The following KLRG1 variants were observed in gnomAD, a reference collection of about 807,000 sequenced individuals.
The protein encoded by KLRG1 is killer cell lectin like receptor G1.
Under a neutral mutation model 21.8 loss-of-function variants are expected in KLRG1, and 16 were observed. The observed-to-expected ratio is 0.73, with a 90% CI of 0.50 to 1.11. The LOEUF (loss-of-function observed/expected upper bound fraction) is 1.11, where lower values mean the gene tolerates loss of function less well. Among genes scored for constraint, KLRG1 ranks in the 50% most tolerant of loss-of-function variants. KLRG1 has a pLI of 0.00. For missense variants in KLRG1, 173 were observed against 218.3 expected (o/e 0.79, Z 1.31); for synonymous variants, 69 against 75.9 (o/e 0.91, Z 0.47).
the KLRG1 span, among the ~76,000 whole-genome samples, chr12:9,183,429 T>G: frequency 1.3e-5 from 2 of 152,146 alleles, no homozygotes; most frequent in Non-Finnish European, 2.9e-5. Flanking sequence ...AGACAGGGTC[T>G]TGCTCTGTTG....
chr12:8,978,640 T>TTTTCTTTCTTTCCTTC lies in KLRG1; in HGVS notation c.-155-13554_-155-13553insCTTCTTTCTTTCTTTC, dbSNP rs1247804071. On this transcript the variant is annotated intron_variant, in intron 1 of 4. Transcript: ENST00000539240. ...CAGTCTTTCTTTTTCTTTTTCTTTC[T>TTTTCTTTCTTTCCTTC]TTTCTTTCTTTCTTTCTTTCTTTCT... 5.1e-3 allele frequency among the ~76,000 whole-genome samples: 546 copies of TTTTCTTTCTTTCCTTC among 107,900 alleles called. 5 individuals carry two copies. The highest frequency in any genetic ancestry group is 0.015 in the African/African-American group (501 of 33,326). 70.8% of individuals were successfully genotyped at this position (107,900 alleles called of 152,430 possible). A position where few individuals can be genotyped will look rare whatever the true frequency, so the allele number is the denominator to read the frequency against.
the KLRG1 span, among the ~76,000 whole-genome samples, chr12:9,111,040 T>C: frequency 1.3e-5 from 2 of 152,162 alleles, no homozygotes; most frequent in South Asian, 2.1e-4. Context: ...AGATGGGTCA[T>C]AGAATTCTTA....
chr12:9,042,759 G>A, the KLRG1 span, among the ~76,000 whole-genome samples: 3 of 150,206 alleles, frequency 2.0e-5, no homozygotes, highest in Non-Finnish European at 4.4e-5. Context: ...AGGCCTCTGA[G>A]TCTTCAAACT....
chr12:9,128,040 G>T, the KLRG1 span: 1 of 244,244 alleles, frequency 4.1e-6, no homozygotes, highest in Non-Finnish European at 8.4e-6. Flanking sequence ...CTTGGAGGCA[G>T]ACATCAAGGC....
the KLRG1 span, among the ~76,000 whole-genome samples, chr12:9,056,737 G>C: frequency 6.6e-6 from 1 of 152,090 alleles, no homozygotes; most frequent in Non-Finnish European, 1.5e-5. Context: ...ATTTTTTGTA[G>C]AGATGGGCTC....
chr12:9,174,808 T>C, the KLRG1 span, among the ~76,000 whole-genome samples: 5 of 152,108 alleles, frequency 3.3e-5, no homozygotes, highest in Middle Eastern at 3.4e-3. Context: ...AAGGATATCA[T>C]AGAGGACACA....
chr12:9,102,632 C>A, the KLRG1 span, among the ~76,000 whole-genome samples: 20 of 152,300 alleles, frequency 1.3e-4, no homozygotes, highest in African/African-American at 4.8e-4. Context: ...TCCTTTCAGG[C>A]TTCCTCTACC....
chr12:9,169,655 T>C, the KLRG1 span: 43 of 1,395,280 alleles, frequency 3.1e-5, no homozygotes, highest in Non-Finnish European at 3.9e-5. Context: ...TAGAATGAAC[T>C]GAGAGAAATA....
At chr12:9,023,894 G>T in the KLRG1 span, among the ~76,000 whole-genome samples, 47 of 151,528 alleles carry the variant, frequency 3.1e-4, no homozygotes, top group Non-Finnish European at 6.6e-4. Flanking sequence ...TGAGATATAG[G>T]TTGAGGTTTT....
intron 1 of KLRG1, among the ~76,000 whole-genome samples, chr12:8,971,976 G>A (rs1054810103): frequency 6.6e-6 from 1 of 152,170 alleles, no homozygotes. Context: ...TCTGTCGATT[G>A]TTTCCTTTGC....
the KLRG1 span, among the ~76,000 whole-genome samples, chr12:9,142,341 TG>T: frequency 6.6e-6 from 1 of 152,222 alleles, no homozygotes; most frequent in Non-Finnish European, 1.5e-5. Flanking sequence ...AAGATTATTC[TG>T]TTTGGGCTGA....
intron 3 of KLRG1, among the ~76,000 whole-genome samples, chr12:9,008,741 A>G (rs915669472): frequency 4.6e-5 from 7 of 152,136 alleles, no homozygotes; most frequent in African/African-American, 1.7e-4. Context: ...ATCTACACCT[A>G]ATTACTTGCT....
the KLRG1 span, among the ~76,000 whole-genome samples, chr12:9,092,991 A>G: frequency 6.6e-6 from 1 of 152,338 alleles, no homozygotes; most frequent in South Asian, 2.1e-4. Context: ...GCTAAGTGAA[A>G]TAAGCCAGAC....
chr12:9,002,944 C>T (rs1052631772), intron 3 of KLRG1, among the ~76,000 whole-genome samples: 2 of 149,692 alleles, frequency 1.3e-5, no homozygotes, highest in African/African-American at 5.0e-5. Context: ...CACACACACA[C>T]ATTATCCATG....
chr12:9,210,599 C>T, the KLRG1 span, among the ~76,000 whole-genome samples: 1 of 152,146 alleles, frequency 6.6e-6, no homozygotes, highest in African/African-American at 2.4e-5. Context: ...CTTTGCTTTT[C>T]AATACCTCCA....
the KLRG1 span, chr12:9,157,412 T>C: frequency 1 from 1,508,582 of 1,508,766 alleles, 754,199 homozygotes; most frequent in East Asian, 1. Context: ...CAGAGCAAGC[T>C]GAGAGCTGGA....
chr12:9,072,972 T>C, the KLRG1 span: 1 of 803,372 alleles, frequency 1.2e-6, no homozygotes, highest in Non-Finnish European at 2.0e-6. Context: ...GATTTCCTAC[T>C]TCCCTCACTA....
At chr12:8,976,458 T>C (rs923946133) in intron 1 of KLRG1, among the ~76,000 whole-genome samples, 2 of 152,220 alleles carry the variant, frequency 1.3e-5, no homozygotes, top group Non-Finnish European at 2.9e-5. Flanking sequence ...AATTTCTGTA[T>C]ATATCTGTTG....
At position 8,972,410 on chromosome 12, in the gene KLRG1, C is replaced by T. The variant is rs192949200; in HGVS notation, c.-155-19796C>T. 3.9e-4 allele frequency among the ~76,000 whole-genome samples: 60 copies of T among 152,296 alleles called. 1 individual carries two copies. The highest frequency in any genetic ancestry group is 1.4e-3 in the African/African-American group (57 of 41,574). ...CTAACCTCGTGATCCGCCCCTGCCT[C>T]GGCATCCCAAAGTGCTGGGATTACA... is the stretch of plus-strand genomic sequence containing the variant. On this transcript the variant is annotated intron_variant, in intron 1 of 4. Coordinates refer to the KLRG1 transcript ENST00000539240.
Sources: allele counts gnomAD v4.1 joint callset (sites outside exome capture counted in the v4.1 genomes callset), GRCh38; gene constraint gnomAD v4.1.1; transcripts MANE v1.5; gene names NCBI Gene and HGNC (gene_info 2026-07-23, HGNC 2026-07-21).